Variants in GRM8 observed in about 807,000 individuals in gnomAD.
GRM8 encodes metabotropic glutamate receptor 8.
In GRM8, 47 loss-of-function variants were observed where a neutral mutation model predicts 87.2. The ratio of observed to expected loss-of-function variants is 0.54; its 90% CI spans 0.43 to 0.69. The LOEUF is 0.69. GRM8 is among the 30% of genes least tolerant of loss of function. The pLI is 0.00. For synonymous variants in GRM8, 396 were observed against 404.5 expected, an observed-to-expected ratio of 0.98 and a Z score of 0.25; for missense variants, 1,019 against 1,139.2, an observed-to-expected ratio of 0.89 and a Z score of 1.52.
chr7:126,623,664 C>A (rs1213301879), intron 7 of GRM8, among the ~76,000 whole-genome samples: 1 of 152,174 alleles, frequency 6.6e-6, no homozygotes, highest in Non-Finnish European at 1.5e-5. Context: ...CCCCTTCAAT[C>A]ATTTCTTCCC....
intron 3 of GRM8, among the ~76,000 whole-genome samples, chr7:126,993,062 C>A (rs562326299): frequency 6.6e-6 from 1 of 152,202 alleles, no homozygotes; most frequent in South Asian, 2.1e-4. Context: ...CAGAGATATA[C>A]AGTGCTCATG....
At chr7:126,961,475 A>T (rs1360340835) in intron 3 of GRM8, among the ~76,000 whole-genome samples, 1 of 152,162 alleles carries the variant, frequency 6.6e-6, no homozygotes, top group African/African-American at 2.4e-5. Flanking sequence ...TGAATTGTTT[A>T]TGCTACAGAT....
chr7:126,511,885 G>T (rs1811427302), intron 9 of GRM8: 1 of 152,022 alleles, frequency 6.6e-6, no homozygotes, highest in South Asian at 2.1e-4. Flanking sequence ...AAATAAATTA[G>T]TTGCAAAATC....
intron 6 of GRM8, among the ~76,000 whole-genome samples, chr7:126,854,815 C>T (rs959527667): frequency 1.3e-5 from 2 of 152,218 alleles, no homozygotes; most frequent in African/African-American, 4.8e-5. Flanking sequence ...AATAACTTAC[C>T]TATTTTTGCA....
chr7:127,117,633 T>C (rs1267763335), intron 2 of GRM8, among the ~76,000 whole-genome samples: 3 of 152,226 alleles, frequency 2.0e-5, no homozygotes, highest in Non-Finnish European at 4.4e-5. Context: ...TGTGTTATAA[T>C]AGAAAAACCA....
At chr7:126,653,295 G>A (rs1490474788) in intron 7 of GRM8, among the ~76,000 whole-genome samples, 2 of 68,564 alleles carry the variant, frequency 2.9e-5, no homozygotes, top group Non-Finnish European at 6.6e-5. Flanking sequence ...GTGAGATCCT[G>A]TCTCCAAAAA....
At chr7:126,552,552 T>C (rs1394462041) in intron 8 of GRM8, among the ~76,000 whole-genome samples, 3 of 152,140 alleles carry the variant, frequency 2.0e-5, no homozygotes, top group Non-Finnish European at 4.4e-5. Context: ...CATTTCTATA[T>C]ACTTTCTCTT....
At chr7:126,641,380 G>C (rs1802367431) in intron 7 of GRM8, among the ~76,000 whole-genome samples, 1 of 152,108 alleles carries the variant, frequency 6.6e-6, no homozygotes, top group South Asian at 2.1e-4. Flanking sequence ...AACTCACTAT[G>C]AGTAAGCGTC....
intron 8 of GRM8, among the ~76,000 whole-genome samples, chr7:126,558,961 C>G (rs909158689): frequency 6.6e-6 from 1 of 152,096 alleles, no homozygotes; most frequent in Non-Finnish European, 1.5e-5. Flanking sequence ...GGAGCAATAG[C>G]AGCTACAATT....
At chr7:126,948,355 G>C (rs1282642702) in intron 3 of GRM8, among the ~76,000 whole-genome samples, 2 of 150,638 alleles carry the variant, frequency 1.3e-5, no homozygotes, top group Non-Finnish European at 2.9e-5. Context: ...CAGAACACAG[G>C]ACATGCAAAG....
chr7:126,646,469 C>G (rs528907019), intron 7 of GRM8, among the ~76,000 whole-genome samples: 19 of 152,204 alleles, frequency 1.2e-4, no homozygotes, highest in African/African-American at 3.1e-4. Flanking sequence ...ATCCTTCATC[C>G]CTCTGTAATT....
chr7:126,683,633 T>C (rs970042803), intron 7 of GRM8, among the ~76,000 whole-genome samples: 1 of 152,230 alleles, frequency 6.6e-6, no homozygotes, highest in East Asian at 1.9e-4. Flanking sequence ...CAAGTATATA[T>C]TGCATTAATT....
intron 9 of GRM8, among the ~76,000 whole-genome samples, chr7:126,479,449 C>T (rs890454773): frequency 1.3e-5 from 2 of 152,028 alleles, no homozygotes; most frequent in African/African-American, 4.8e-5. Context: ...TAAATCTGGA[C>T]ATTTTATAAA....
chr7:126,903,773 GTGTATATATA>G (rs1563300907), intron 5 of GRM8, among the ~76,000 whole-genome samples, 189 bp downstream of exon 5: 9 of 118,368 alleles, frequency 7.6e-5, no homozygotes, highest in African/African-American at 3.3e-4. Context: ...ATATGTGTGT[GTGTATATATA>G]TATATATATA....
intron 6 of GRM8, among the ~76,000 whole-genome samples, chr7:126,864,293 A>G (rs1489491337): frequency 6.6e-6 from 1 of 152,058 alleles, no homozygotes; most frequent in East Asian, 1.9e-4. Context: ...TACTACATAC[A>G]GTTACCTACT....
intron 8 of GRM8, among the ~76,000 whole-genome samples, chr7:126,536,132 A>C (rs1353775005): frequency 1.3e-5 from 2 of 152,202 alleles, no homozygotes; most frequent in Non-Finnish European, 2.9e-5. Context: ...TTTTAATATC[A>C]GTGTAGTTAT....
chr7:126,674,222 G>A (rs1806699984), intron 7 of GRM8, among the ~76,000 whole-genome samples: 1 of 152,146 alleles, frequency 6.6e-6, no homozygotes, highest in Non-Finnish European at 1.5e-5. Flanking sequence ...TAGCAACTAA[G>A]TAGACTTACA....
At chr7:127,072,922 A>G (rs1209236664) in intron 3 of GRM8, among the ~76,000 whole-genome samples, 1 of 151,880 alleles carries the variant, frequency 6.6e-6, no homozygotes, top group Non-Finnish European at 1.5e-5. Flanking sequence ...AGACAAAGCT[A>G]GCCCACCTCT....
chr7:126,497,660 AT>A (rs1404067023), intron 9 of GRM8, among the ~76,000 whole-genome samples: 4 of 152,008 alleles, frequency 2.6e-5, no homozygotes, highest in Non-Finnish European at 5.9e-5. Context: ...TCTAGATGGA[AT>A]GGTTTTTATC....
Sources: gnomAD v4.1 joint callset for allele counts (sites outside exome capture counted in the v4.1 genomes callset) on GRCh38, gnomAD v4.1.1 for gene constraint, MANE v1.5 for transcripts, NCBI Gene and HGNC (gene_info 2026-07-23, HGNC 2026-07-21) for gene names.